CFAP46: variants seen among roughly 807,000 people sequenced by gnomAD.
CFAP46 encodes the protein cilia and flagella associated protein 46.
CFAP46 carries 245 observed loss-of-function variants against 325.7 expected under a neutral mutation model. That is an observed-to-expected ratio of 0.75 (90% CI 0.68 to 0.84). The LOEUF (loss-of-function observed/expected upper bound fraction) is 0.84. Ranked by LOEUF, CFAP46 falls within the 40% of genes least tolerant of loss-of-function variation. The pLI is 0.00. For missense variants in CFAP46, 3,346 were observed against 3,543.0 expected (o/e 0.94, Z 1.41); for synonymous variants, 1,523 against 1,495.9 (o/e 1.02, Z -0.42).
chr10:132,823,720 CTGTGTGCTGATGTGTGCTG>C, intron 50 of CFAP46, among the ~76,000 whole-genome samples: 1 of 110,876 alleles, frequency 9.0e-6, no homozygotes, highest in Non-Finnish European at 1.7e-5. Flanking sequence ...CTGACGTGTG[CTGTGTGCTGATGTGTGCTG>C]TGTGCGCTGA....
At position 132,941,054 on chromosome 10, in the gene CFAP46, AT is replaced by A; in HGVS notation, c.312del (p.Glu104AspfsTer6). ...ATGTACTCAGTCACGCAATTTTCAA[AT>A]TCCTCCTAAGGCAACATAAAGAAGC... ...CAPKSAENLE[E>X]FENCVTEYMK... On this transcript the variant is annotated frameshift_variant, in exon 4 of 58. Transcript: ENST00000368586. LOFTEE classifies it high-confidence loss of function. 1 of 1,614,120 alleles carries A rather than the reference AT, an allele frequency of 6.2e-7. No individual in the cohort carries two copies. The highest frequency in any genetic ancestry group is 8.5e-7 in the Non-Finnish European group (1 of 1,180,024).
intron 28 of CFAP46, among the ~76,000 whole-genome samples, chr10:132,879,880 G>C (rs1468450317): frequency 6.6e-6 from 1 of 152,116 alleles, no homozygotes; most frequent in South Asian, 2.1e-4. Context: ...CAGGCCCCCA[G>C]ACCCCGAGAG....
At chr10:132,928,060 C>A (rs554216433) in intron 9 of CFAP46, among the ~76,000 whole-genome samples, 1 of 152,206 alleles carries the variant, frequency 6.6e-6, no homozygotes, top group Non-Finnish European at 1.5e-5. Flanking sequence ...GCGGTGGGGG[C>A]AGAGTTGGGC....
rs180837206 is a variant in CFAP46 at position 132,877,528 on chromosome 10, G to A, written c.4212+353C>T. Among the ~76,000 whole-genome samples the A allele has an allele frequency of 6.6e-6, 1 of 152,362 alleles. No individual in the cohort carries two copies. The highest frequency in any genetic ancestry group is 2.4e-5 in the African/African-American group (1 of 41,588). ...TGGCCTCTGAGCCTGGCAGACCTGG[G>A]ACAACGTGCTCTGTGCAAACTGCGT... On this transcript the variant is annotated intron_variant, in intron 30 of 57. Coordinates refer to ENST00000368586, the MANE Select transcript of CFAP46 (RefSeq NM_001200049.3). The surrounding 1 kb of genome is among the most constrained non-coding windows in gnomAD (Gnocchi z 5.7).
At chr10:132,935,905 A>C (rs1295209058) in intron 7 of CFAP46, among the ~76,000 whole-genome samples, 1 of 122,640 alleles carries the variant, frequency 8.2e-6, no homozygotes, top group African/African-American at 3.1e-5. Flanking sequence ...TCCCCTCATC[A>C]TCCAAACACA....
At chr10:132,844,342 G>T (rs1239529660) in intron 44 of CFAP46, among the ~76,000 whole-genome samples, 20 of 152,172 alleles carry the variant, frequency 1.3e-4, no homozygotes, top group Non-Finnish European at 1.2e-4. Flanking sequence ...ATTGCCCAGT[G>T]GCCCCAGGAT....
intron 5 of CFAP46, 86 bp downstream of exon 5, chr10:132,938,503 T>C (rs1359579784): frequency 3.2e-6 from 4 of 1,246,688 alleles, no homozygotes; most frequent in East Asian, 2.4e-5. Context: ...GGAACTCCCG[T>C]CCCCCCCCCG....
intron 22 of CFAP46, 95 bp from the exon 23 acceptor site, chr10:132,899,761 TG>T (rs138315034): frequency 0.029 from 39,688 of 1,381,890 alleles, 2,239 homozygotes; most frequent in African/African-American, 0.23. Flanking sequence ...ACTACACAGG[TG>T]GTATTCTAAG....
intron 37 of CFAP46, 143 bp from the exon 38 acceptor site, chr10:132,859,390 T>C: frequency 3.0e-6 from 2 of 664,918 alleles, no homozygotes; most frequent in Middle Eastern, 4.0e-4. Context: ...AAAATCAACA[T>C]CATATGGGCC....
intron 50 of CFAP46, among the ~76,000 whole-genome samples, chr10:132,829,424 T>C (rs1225675812): frequency 6.6e-6 from 1 of 152,254 alleles, no homozygotes; most frequent in Admixed American, 6.5e-5. Context: ...CTTGCCAAAA[T>C]CACTCACTAG....
chr10:132,933,365 A>G lies in CFAP46; in HGVS notation c.866+1387T>C, dbSNP rs569013560. On this transcript the variant is annotated intron_variant, in intron 8 of 57. Coordinates refer to ENST00000368586, the MANE Select transcript of CFAP46 (RefSeq NM_001200049.3). Reference sequence around the variant, plus strand: ...AAGTGCCTGAGAATGCCGCCTGTGGACAGACCTCGGAACAGGGCTATTTAC... The same window carrying G: ...AAGTGCCTGAGAATGCCGCCTGTGGGCAGACCTCGGAACAGGGCTATTTAC... Among the ~76,000 whole-genome samples, 5 of 152,318 alleles carry G rather than the reference A, an allele frequency of 3.3e-5. No individual in the cohort carries two copies. The South Asian group carries it at 1.0e-3, about 32-fold the overall frequency.
rs1849119953 is a variant in CFAP46 at position 132,885,805 on chromosome 10, TG to T, written c.3443+15del. The T allele has an allele frequency of 2.7e-6, 4 of 1,501,496 alleles. No individual in the cohort carries two copies. The highest frequency in any genetic ancestry group is 1.8e-5 in the African/African-American group (1 of 56,658). 93.0% of individuals were successfully genotyped at this position (1,501,496 alleles called of 1,614,324 possible). On this transcript the variant is annotated intron_variant, in intron 26 of 57. Coordinates refer to ENST00000368586, the MANE Select transcript of CFAP46 (RefSeq NM_001200049.3). ...CGGTGGAGGGAGCACTCACAGGCGG[TG>T]GGGGGAGCACTCACAGGCGGTGGGC... is the stretch of plus-strand genomic sequence containing the variant.
chr10:132,847,247 C>T lies in CFAP46; in HGVS notation c.6027G>A (p.Arg2009=), dbSNP rs764391419. 6.8e-6 allele frequency: 11 copies of T among 1,613,274 alleles called. No individual in the cohort carries two copies. The highest frequency in any genetic ancestry group is 9.3e-6 in the Non-Finnish European group (11 of 1,179,946). Residue 2009 remains arginine (R), a synonymous_variant, in exon 42 of 58, where the codon AGG becomes AGA. Transcript: ENST00000368586. This position sits in a 1 kb window ranked among gnomAD's most constrained non-coding sequence, Gnocchi z 5.2. Reference sequence around the variant, plus strand: ...GGGCTGCCCTGGAGGCCGGCGGGTCCCTGCTGGACTTTGTGGCACCCTCTT... The same window carrying T: ...GGGCTGCCCTGGAGGCCGGCGGGTCTCTGCTGGACTTTGTGGCACCCTCTT... The part of the protein sequence containing the change: ...VEEEGATKSS[R]DPPASRAAPE...
rs569834326 is a variant in CFAP46, at chr10:132,826,730, C to T, written c.7117+6628G>A. On this transcript the variant is annotated intron_variant, in intron 50 of 57. Transcript: ENST00000368586. ...GAGCCGGAGCCACAGAGACCAGCCACGGAGCCAGGCAGAAGCTGGAGCCAC... is the reference window on the plus strand; with the variant it reads ...GAGCCGGAGCCACAGAGACCAGCCATGGAGCCAGGCAGAAGCTGGAGCCAC... 2.7e-4 allele frequency among the ~76,000 whole-genome samples: 40 copies of T among 150,776 alleles called. 1 individual carries two copies. Among genetic ancestry groups the T allele is most frequent in the Middle Eastern group, 3.4e-3 (1 of 292 alleles).
At chr10:132,894,574 A>C (rs1397775190) in intron 24 of CFAP46, among the ~76,000 whole-genome samples, 1 of 151,686 alleles carries the variant, frequency 6.6e-6, no homozygotes, top group Non-Finnish European at 1.5e-5. Context: ...ACAAGCCTTT[A>C]GCTAACTGAC....
In CFAP46 at chr10:132,836,870, C is replaced by G. The variant is rs377022933; in HGVS notation, c.6483G>C (p.Leu2161Phe). ...LCVTEQHFNLLNEMPPTFWIL... is the reference protein window; with the variant it reads ...LCVTEQHFNLFNEMPPTFWIL... ...TCCAAAAGGTCGGAGGCATCTCATT[C>G]AAGAGGTTAAAATGCTGCTCAGTGA... Residue 2161 changes from leucine (L) to phenylalanine (F), a missense_variant, in exon 45 of 58, where the codon TTG becomes TTC. Leu to Phe is a conservative substitution (Grantham distance 22). Coordinates refer to ENST00000368586, the MANE Select transcript of CFAP46 (RefSeq NM_001200049.3). 5.0e-6 allele frequency: 8 copies of G among 1,613,794 alleles called. No homozygotes were observed. The African/African-American group carries it at 1.1e-4, about 22-fold the overall frequency.
chr10:132,932,937 C>T (rs1849935479), intron 8 of CFAP46, among the ~76,000 whole-genome samples: 1 of 152,244 alleles, frequency 6.6e-6, no homozygotes, highest in South Asian at 2.1e-4. Flanking sequence ...TCCATTGTGT[C>T]CCTGCAGCTG....
At chr10:132,887,942 ACCTCTCTCTCTCCGCT>A (rs1404149452) in intron 25 of CFAP46, among the ~76,000 whole-genome samples, 3 of 18,734 alleles carry the variant, frequency 1.6e-4, no homozygotes, top group East Asian at 8.3e-4. Flanking sequence ...CTCCTCTTTC[ACCTCTCTCTCTCCGCT>A]CCTCTCTCTC....
chr10:132,929,944 G>A (rs771954259), intron 8 of CFAP46, 140 bp from the exon 9 acceptor site: 26 of 671,162 alleles, frequency 3.9e-5, no homozygotes, highest in African/African-American at 5.5e-5. Context: ...AAGTTAATTA[G>A]AACAGAAGCC....
Sources: gnomAD v4.1 joint callset for allele counts (sites outside exome capture counted in the v4.1 genomes callset) on GRCh38, gnomAD v4.1.1 for gene constraint, Gnocchi (gnomAD v3.1) non-coding constraint, MANE v1.5 for transcripts, NCBI Gene and HGNC (gene_info 2026-07-23, HGNC 2026-07-21) for gene names.